The following PIP5K1C variants were observed in gnomAD, a reference collection of about 807,000 sequenced individuals.
The protein encoded by PIP5K1C is phosphatidylinositol 4-phosphate 5-kinase type-1 gamma.
Under a neutral mutation model 80.1 loss-of-function variants are expected in PIP5K1C, and 45 were observed. The ratio of observed to expected loss-of-function variants is 0.56; its 90% CI spans 0.44 to 0.72. The LOEUF (loss-of-function observed/expected upper bound fraction) is 0.72, where lower values mean the gene tolerates loss of function less well. Among genes scored for constraint, PIP5K1C ranks in the 30% least tolerant of loss-of-function variants. The pLI, the probability that PIP5K1C is intolerant of heterozygous loss-of-function variation, is 0.00. For synonymous variants in PIP5K1C, 498 were observed against 420.1 expected, an observed-to-expected ratio of 1.19 and a Z score of -2.27; for missense variants, 753 against 954.6, an observed-to-expected ratio of 0.79 and a Z score of 2.78.
intron 11 of PIP5K1C, among the ~76,000 whole-genome samples, 176 bp downstream of exon 11, chr19:3,645,798 G>C (rs1163182777): frequency 6.6e-6 from 1 of 152,196 alleles, no homozygotes; most frequent in Non-Finnish European, 1.5e-5. Flanking sequence ...GCTGTGCAGA[G>C]CAAATATCCC....
intron 4 of PIP5K1C, 38 bp downstream of exon 4, chr19:3,661,833 T>G: frequency 6.2e-7 from 1 of 1,607,718 alleles, no homozygotes; most frequent in Admixed American, 1.7e-5. Context: ...GCCACGTGTG[T>G]GCTGGGTGAG....
At position 3,646,077 on chromosome 19, in the gene PIP5K1C, G is replaced by C; in HGVS notation, c.1261-19C>G. ...CCGTGTCCTGGAAGAGAGTTGGGGG[G>C]GGTGCCCGGGGGCAGAGGGTGCATC... On this transcript the variant is annotated intron_variant, in intron 10 of 17. Coordinates refer to ENST00000335312, the MANE Select transcript of PIP5K1C (RefSeq NM_012398.3). 6.5e-7 allele frequency: 1 copy of C among 1,535,642 alleles called. No homozygotes were observed. Among genetic ancestry groups the C allele is most frequent in the Middle Eastern group, 1.7e-4 (1 of 5,926 alleles).
chr19:3,699,340 G>C (rs1010289124), intron 1 of PIP5K1C, among the ~76,000 whole-genome samples: 1 of 144,792 alleles, frequency 6.9e-6, no homozygotes, highest in African/African-American at 2.5e-5. Context: ...CGGGGGGTGG[G>C]GGGGGGACTT....
At chr19:3,638,660 C>G (rs1461823164) in intron 16 of PIP5K1C, among the ~76,000 whole-genome samples, 1 of 152,058 alleles carries the variant, frequency 6.6e-6, no homozygotes, top group Non-Finnish European at 1.5e-5. Context: ...GCTTCCCACC[C>G]CATGGGGTTA....
At chr19:3,677,558 G>A (rs1027167238) in intron 1 of PIP5K1C, among the ~76,000 whole-genome samples, 4 of 151,462 alleles carry the variant, frequency 2.6e-5, no homozygotes, top group Admixed American at 2.6e-4. Flanking sequence ...ACTCCAGCCT[G>A]GGCAACAGAG....
At chr19:3,656,728 G>A (rs1467619321) in intron 5 of PIP5K1C, among the ~76,000 whole-genome samples, 171 bp from the exon 6 acceptor site, 3 of 152,222 alleles carry the variant, frequency 2.0e-5, no homozygotes, top group Admixed American at 6.5e-5. Flanking sequence ...TAGCCAGCAA[G>A]GACTGGAGCC....
At chr19:3,672,918 G>T (rs2145537609) in intron 1 of PIP5K1C, among the ~76,000 whole-genome samples, 1 of 150,430 alleles carries the variant, frequency 6.6e-6, no homozygotes, top group South Asian at 2.1e-4. Context: ...GAGTGGGCAG[G>T]GCCCTGGAAG....
At chr19:3,643,498 C>T in intron 12 of PIP5K1C, 117 bp from the exon 13 acceptor site, 1 of 1,177,876 alleles carries the variant, frequency 8.5e-7, no homozygotes, top group Non-Finnish European at 1.2e-6. Context: ...CGCCCGCCTC[C>T]CAGACACTCC....
rs1325818662 is a variant in PIP5K1C at position 3,667,501 on chromosome 19, C to T, written c.95-148G>A. On this transcript the variant is annotated intron_variant, in intron 1 of 17. Coordinates refer to ENST00000335312, the MANE Select transcript of PIP5K1C (RefSeq NM_012398.3). ...TCTCAAGGCTACACACAAGTGAAGACATGGACTGAGTGCGCTGGGAGGATG... is the reference window on the plus strand; with the variant it reads ...TCTCAAGGCTACACACAAGTGAAGATATGGACTGAGTGCGCTGGGAGGATG... 14 of 878,680 alleles carry T rather than the reference C, an allele frequency of 1.6e-5. No individual in the cohort carries two copies. The East Asian group carries it at 3.5e-4, about 22-fold the overall frequency. The allele number at this position is 878,680 out of a possible 1,614,324, so 54.4% of individuals were successfully genotyped here. A position where few individuals can be genotyped will look rare whatever the true frequency, so the allele number is the denominator to read the frequency against.
At chr19:3,639,482 C>T (rs541253295) in intron 15 of PIP5K1C, among the ~76,000 whole-genome samples, 3 of 152,280 alleles carry the variant, frequency 2.0e-5, no homozygotes, top group South Asian at 2.1e-4. Context: ...GCCAGGCTGG[C>T]GTGCAGTGCT....
intron 1 of PIP5K1C, among the ~76,000 whole-genome samples, chr19:3,697,551 G>A (rs1053936530): frequency 6.6e-6 from 1 of 152,038 alleles, no homozygotes; most frequent in African/African-American, 2.4e-5. Flanking sequence ...CCCGGGAGAG[G>A]CAGAGGACAG....
At chr19:3,653,242 G>A (rs375890939) in intron 7 of PIP5K1C, 48 bp downstream of exon 7, 13 of 1,569,028 alleles carry the variant, frequency 8.3e-6, no homozygotes, top group Non-Finnish European at 1.1e-5. Flanking sequence ...CCCTCACCAC[G>A]CAGTCCCACC....
Position 3,637,886 on chromosome 19 carries a change from A to T in PIP5K1C, c.1920+998T>A. The T allele has an allele frequency of 4.6e-6, 7 of 1,535,336 alleles. No individual in the cohort carries two copies. Among genetic ancestry groups the T allele is most frequent in the Non-Finnish European group, 6.1e-6 (7 of 1,146,680 alleles). ...CCCCCCGTACCATCCGGAGACCAGG[A>T]CGCGCACAAACCAGTCCCAGGAAAA... On this transcript the variant is annotated intron_variant, in intron 16 of 17. Coordinates refer to ENST00000335312, the MANE Select transcript of PIP5K1C (RefSeq NM_012398.3). The surrounding 1 kb of genome is among the most constrained non-coding windows in gnomAD (Gnocchi z 7.0).
intron 16 of PIP5K1C, chr19:3,638,153 G>T: frequency 9.4e-7 from 1 of 1,069,114 alleles, no homozygotes; most frequent in East Asian, 2.7e-5. Context: ...GCAGCCTCCG[G>T]CCCTCCCTGT....
chr19:3,680,714 T>C (rs2035565824), intron 1 of PIP5K1C, among the ~76,000 whole-genome samples: 1 of 152,224 alleles, frequency 6.6e-6, no homozygotes, highest in South Asian at 2.1e-4. Context: ...TTTCTGTTTA[T>C]CCCTTAAGTC....
At chr19:3,685,509 TC>T (rs2035731959) in intron 1 of PIP5K1C, among the ~76,000 whole-genome samples, 1 of 152,038 alleles carries the variant, frequency 6.6e-6, no homozygotes, top group Non-Finnish European at 1.5e-5. Flanking sequence ...GGCGGGCGGA[TC>T]ACGAGGTCAG....
At chr19:3,677,925 G>A (rs529939154) in intron 1 of PIP5K1C, among the ~76,000 whole-genome samples, 90 of 119,392 alleles carry the variant, frequency 7.5e-4, no homozygotes, top group African/African-American at 2.7e-3. Flanking sequence ...TAAAGGGAGG[G>A]ATGGAGAATG....
chr19:3,665,713 G>C, intron 2 of PIP5K1C, among the ~76,000 whole-genome samples: 1 of 152,182 alleles, frequency 6.6e-6, no homozygotes, highest in East Asian at 1.9e-4. Flanking sequence ...GTCGGGCAGC[G>C]CGGGTGTCCC....
Position 3,646,069 on chromosome 19 carries a change from G to A in PIP5K1C, c.1261-11C>T, listed in dbSNP as rs753517738. ...GACGGACACCGTGTCCTGGAAGAGA[G>A]TTGGGGGGGGTGCCCGGGGGCAGAG... On this transcript the variant is annotated splice_polypyrimidine_tract_variant and intron_variant, in intron 10 of 17. Transcript: ENST00000335312. 6.3e-7 allele frequency: 1 copy of A among 1,589,588 alleles called. No individual in the cohort carries two copies. The highest frequency in any genetic ancestry group is 1.1e-5 in the South Asian group (1 of 90,630).
Sources: allele counts gnomAD v4.1 joint callset (sites outside exome capture counted in the v4.1 genomes callset), GRCh38; gene constraint gnomAD v4.1.1; non-coding constraint Gnocchi (gnomAD v3.1); transcripts MANE v1.5; gene names NCBI Gene and HGNC (gene_info 2026-07-23, HGNC 2026-07-21).